IGSF11: variants seen among roughly 807,000 people sequenced by gnomAD.
IGSF11 encodes the protein CXADR like 1.
A neutral mutation model predicts 41.0 loss-of-function variants in IGSF11; 22 were observed. The ratio of observed to expected loss-of-function variants is 0.54; its 90% CI spans 0.38 to 0.77. The LOEUF (loss-of-function observed/expected upper bound fraction) is 0.77, where lower values mean the gene tolerates loss of function less well. IGSF11 is among the 30% of genes least tolerant of loss of function. The pLI, the probability that IGSF11 is intolerant of heterozygous loss-of-function variation, is 0.00. For missense variants in IGSF11, 444 were observed against 530.8 expected (o/e 0.84, Z 1.61); for synonymous variants, 219 against 201.3 (o/e 1.09, Z -0.74).
intron 1 of IGSF11, among the ~76,000 whole-genome samples, chr3:119,139,762 TCTC>T (rs1266501754): frequency 5.3e-5 from 8 of 152,220 alleles, no homozygotes; most frequent in Non-Finnish European, 1.2e-4. Context: ...ACTCTTTCCT[TCTC>T]CTACCTGTTT....
At chr3:118,942,136 T>C (rs1943743412) in intron 1 of IGSF11, among the ~76,000 whole-genome samples, 1 of 152,198 alleles carries the variant, frequency 6.6e-6, no homozygotes, top group Non-Finnish European at 1.5e-5. Flanking sequence ...TGTATGTAAG[T>C]TATACTTTAA....
intron 1 of IGSF11, among the ~76,000 whole-genome samples, chr3:119,030,763 T>C (rs1189819250): frequency 2.0e-5 from 3 of 152,168 alleles, no homozygotes; most frequent in Non-Finnish European, 4.4e-5. Flanking sequence ...GTTTTCAAAA[T>C]GCAGGGATGA....
At chr3:119,120,076 A>G (rs2077312024) in intron 1 of IGSF11, among the ~76,000 whole-genome samples, 1 of 152,246 alleles carries the variant, frequency 6.6e-6, no homozygotes, top group South Asian at 2.1e-4. Context: ...ACTGACCTTG[A>G]GGTCCTGTCC....
intron 1 of IGSF11, chr3:118,947,275 T>C (rs1944227204): frequency 6.6e-6 from 1 of 152,176 alleles, no homozygotes; most frequent in Non-Finnish European, 1.5e-5. Flanking sequence ...TTGCAACTAA[T>C]TAACAAACAT....
chr3:119,027,062 CAT>C (rs1939897720), intron 1 of IGSF11, among the ~76,000 whole-genome samples: 1 of 152,024 alleles, frequency 6.6e-6, no homozygotes, highest in African/African-American at 2.4e-5. Context: ...TATTGATAAA[CAT>C]AATTTTTAAA....
intron 1 of IGSF11, among the ~76,000 whole-genome samples, chr3:118,962,045 T>C (rs999007089): frequency 1.2e-4 from 19 of 152,226 alleles, no homozygotes; most frequent in Non-Finnish European, 2.1e-4. Context: ...TACATGTTTG[T>C]TGGAAAGACT....
intron 4 of IGSF11, among the ~76,000 whole-genome samples, chr3:118,920,380 A>G (rs1177211195): frequency 6.6e-6 from 1 of 151,774 alleles, no homozygotes; most frequent in Non-Finnish European, 1.5e-5. Context: ...AACCTCCAAT[A>G]AAATATTAGA....
chr3:118,954,761 G>A (rs558084210), intron 1 of IGSF11, among the ~76,000 whole-genome samples: 1 of 152,236 alleles, frequency 6.6e-6, no homozygotes, highest in Non-Finnish European at 1.5e-5. Flanking sequence ...TAAATAGGAA[G>A]ACTTGATAGT....
intron 1 of IGSF11, among the ~76,000 whole-genome samples, chr3:118,998,365 T>C (rs534673314): frequency 3.3e-5 from 5 of 152,280 alleles, no homozygotes; most frequent in Admixed American, 3.3e-4. Flanking sequence ...ACATAAATGT[T>C]AAATCCTGAA....
At chr3:118,950,324 G>A (rs1451352171) in intron 1 of IGSF11, among the ~76,000 whole-genome samples, 1 of 152,112 alleles carries the variant, frequency 6.6e-6, no homozygotes, top group Non-Finnish European at 1.5e-5. Flanking sequence ...TTCTAACAGA[G>A]TAAAAATTCT....
chr3:118,951,742 G>T (rs1944583766), intron 1 of IGSF11, among the ~76,000 whole-genome samples: 1 of 152,096 alleles, frequency 6.6e-6, no homozygotes, highest in African/African-American at 2.4e-5. Flanking sequence ...TACAGCATTT[G>T]CATGTAACCT....
intron 1 of IGSF11, among the ~76,000 whole-genome samples, chr3:119,074,670 G>A (rs913422467): frequency 1.7e-4 from 26 of 151,442 alleles, no homozygotes; most frequent in African/African-American, 6.1e-4. Context: ...CCTGTGAATG[G>A]TGAAACCCTG....
chr3:118,970,168 A>G (rs1933218626), intron 1 of IGSF11, among the ~76,000 whole-genome samples: 1 of 152,230 alleles, frequency 6.6e-6, no homozygotes, highest in South Asian at 2.1e-4. Context: ...ATTCTTCCAG[A>G]ACAGCTCCCT....
At chr3:118,963,712 T>C (rs1285345495) in intron 1 of IGSF11, among the ~76,000 whole-genome samples, 1 of 152,168 alleles carries the variant, frequency 6.6e-6, no homozygotes, top group East Asian at 1.9e-4. Flanking sequence ...TGTCTTTTGG[T>C]TGGGAAAAGA....
chr3:119,145,990 G>A (rs996036351), exon 1 of IGSF11: 5 of 567,074 alleles, frequency 8.8e-6, no homozygotes, highest in Middle Eastern at 4.6e-4. Context: ...TACTCCCTGC[G>A]CTCGCCTGCA....
intron 4 of IGSF11, among the ~76,000 whole-genome samples, chr3:118,917,426 T>C (rs951259501): frequency 2.7e-5 from 4 of 147,856 alleles, no homozygotes; most frequent in Non-Finnish European, 5.9e-5. Context: ...TAAAGGGGTA[T>C]CACCACCGAT....
chr3:119,075,419 T>C (rs1000638365), intron 1 of IGSF11, among the ~76,000 whole-genome samples: 2 of 152,132 alleles, frequency 1.3e-5, no homozygotes, highest in Non-Finnish European at 2.9e-5. Flanking sequence ...CTGGTACCAA[T>C]CCTACTGAAA....
At chr3:119,073,513 G>C (rs576004994) in intron 1 of IGSF11, among the ~76,000 whole-genome samples, 16 of 152,212 alleles carry the variant, frequency 1.1e-4, no homozygotes, top group Non-Finnish European at 2.1e-4. Flanking sequence ...GGGGGGGCTC[G>C]GGCATGGTGG....
chr3:119,074,565 AG>A, intron 1 of IGSF11, among the ~76,000 whole-genome samples: 1 of 151,286 alleles, frequency 6.6e-6, no homozygotes, highest in Admixed American at 6.6e-5. Flanking sequence ...AAAGTTAGAA[AG>A]ATCTGGGCCA....
Sources: gnomAD v4.1 joint callset for allele counts (sites outside exome capture counted in the v4.1 genomes callset) on GRCh38, gnomAD v4.1.1 for gene constraint, MANE v1.5 for transcripts, NCBI Gene and HGNC (gene_info 2026-07-23, HGNC 2026-07-21) for gene names.